CCDC77: variants seen among roughly 807,000 people sequenced by gnomAD.
The protein encoded by CCDC77 is coiled-coil domain-containing protein 77.
CCDC77 carries 56 observed loss-of-function variants against 66.8 expected under a neutral mutation model. The observed-to-expected ratio is 0.84, with a 90% CI of 0.68 to 1.05. CCDC77 has a LOEUF of 1.05. CCDC77 is among the 50% of genes least tolerant of loss of function. CCDC77 has a pLI of 0.00. For missense variants in CCDC77, 570 were observed against 576.8 expected (o/e 0.99, Z 0.12); for synonymous variants, 196 against 195.2 (o/e 1.00, Z -0.03).
intron 1 of CCDC77, among the ~76,000 whole-genome samples, chr12:396,486 C>T (rs924183014): frequency 2.0e-5 from 3 of 152,124 alleles, no homozygotes; most frequent in Non-Finnish European, 4.4e-5. Flanking sequence ...TTGAAGTATA[C>T]GGGAGGGTGT....
At chr12:404,242 G>A (rs1311426737) in intron 1 of CCDC77, among the ~76,000 whole-genome samples, 1 of 152,240 alleles carries the variant, frequency 6.6e-6, no homozygotes, top group Admixed American at 6.5e-5. Flanking sequence ...CTTGAACCCA[G>A]GAGGTGGAGG....
rs544774164 is a variant in CCDC77, at chr12:436,148, C to G, written c.822-2187C>G. Among the ~76,000 whole-genome samples, 973 of 128,676 alleles carry G rather than the reference C, an allele frequency of 7.6e-3. 6 individuals are homozygous for G. The highest frequency in any genetic ancestry group is 0.011 in the Non-Finnish European group (710 of 63,838). The allele number at this position is 128,676 out of a possible 152,430, so 84.4% of individuals were successfully genotyped here. ...TTTTTTTTTTTTTGAGACAGAGTCT[C>G]GCTGTGTCGTCCAGGCTGGAGTGCA... On this transcript the variant is annotated intron_variant, in intron 9 of 12. Transcript: ENST00000239830.
At chr12:411,033 C>A (rs1041305948) in intron 3 of CCDC77, among the ~76,000 whole-genome samples, 1 of 152,048 alleles carries the variant, frequency 6.6e-6, no homozygotes, top group Non-Finnish European at 1.5e-5. Flanking sequence ...CCACCTCAGC[C>A]CCCTGAGTAG....
At position 412,044 on chromosome 12, in the gene CCDC77, A is replaced by C. The variant is rs150765869; in HGVS notation, c.270+66A>C. ...CTTCATAAATTAGAGATGCCCTACA[A>C]GTGCCAGTTTATATCAGAAGCAGAT... On this transcript the variant is annotated intron_variant, in intron 4 of 12. Coordinates refer to ENST00000239830, the MANE Select transcript of CCDC77 (RefSeq NM_032358.4). 85 of 1,172,176 alleles carry C rather than the reference A, an allele frequency of 7.3e-5. No individual in the cohort carries two copies. In the East Asian group the frequency reaches 2.0e-3, roughly 28 times the overall value. The allele number at this position is 1,172,176 out of a possible 1,614,324, so 72.6% of individuals were successfully genotyped here. A position where few individuals can be genotyped will look rare whatever the true frequency, so the allele number is the denominator to read the frequency against.
In CCDC77 at chr12:415,352, CATAATATTATGTTAATATAATCAACATA is replaced by C. The variant is rs1565568000; in HGVS notation, c.271-3138_271-3111del. Among the ~76,000 whole-genome samples, 15 of 123,214 alleles carry C rather than the reference CATAATATTATGTTAATATAATCAACATA, an allele frequency of 1.2e-4. 2 individuals carry two copies. Among genetic ancestry groups the C allele is most frequent in the Admixed American group, 1.2e-3 (14 of 11,974 alleles). The allele number at this position is 123,214 out of a possible 152,430, so 80.8% of individuals were successfully genotyped here. On this transcript the variant is annotated intron_variant, in intron 4 of 12. Transcript: ENST00000239830. Reference sequence around the variant, plus strand: ...CATAATATTATGTTAATATAATCAACATAATATTATGTTAATATAATCAACATAATATTATGTTAATATAATCAACATA... The same window carrying C: ...CATAATATTATGTTAATATAATCAACATATTATGTTAATATAATCAACATA...
In CCDC77 at chr12:438,512, C is replaced by T. The variant is rs193068708; in HGVS notation, c.999C>T (p.Pro333=). The T allele has an allele frequency of 5.6e-6, 9 of 1,613,740 alleles. No homozygotes were observed. The highest frequency in any genetic ancestry group is 1.7e-4 in the Middle Eastern group (1 of 6,038). ...KKEDKIGKVL[P]VMHESHHAQS... ...AAGATAAAATTGGAAAAGTGTTGCC[C>T]GTTATGCATGAGAGTCACCATGCTC... is the stretch of plus-strand genomic sequence containing the variant. Residue 333 remains proline (P), a synonymous_variant, in exon 10 of 13, where the codon CCC becomes CCT. Coordinates refer to ENST00000239830, the MANE Select transcript of CCDC77 (RefSeq NM_032358.4).
chr12:389,699 A>T (rs926979065), intron 1 of CCDC77, among the ~76,000 whole-genome samples: 13 of 151,906 alleles, frequency 8.6e-5, no homozygotes, highest in African/African-American at 2.9e-4. Flanking sequence ...GTATCAGTGC[A>T]CTCGAAAACA....
intron 1 of CCDC77, among the ~76,000 whole-genome samples, chr12:390,627 G>A (rs1944737406): frequency 6.6e-6 from 1 of 152,156 alleles, no homozygotes; most frequent in Admixed American, 6.5e-5. Context: ...GACTTGAACT[G>A]TAGCATCACC....
chr12:416,520 T>C (rs1469409243), intron 4 of CCDC77, among the ~76,000 whole-genome samples: 1 of 147,648 alleles, frequency 6.8e-6, no homozygotes, highest in Non-Finnish European at 1.5e-5. Context: ...GTTTAAGCAA[T>C]TGTCCTGCCT....
At chr12:424,981 A>C (rs1591983094) in intron 5 of CCDC77, among the ~76,000 whole-genome samples, 1 of 148,628 alleles carries the variant, frequency 6.7e-6, no homozygotes, top group Admixed American at 6.7e-5. Context: ...CCCAGGCTGG[A>C]ATGTAGTGGC....
At chr12:413,645 T>G (rs1435820132) in intron 4 of CCDC77, among the ~76,000 whole-genome samples, 4 of 148,548 alleles carry the variant, frequency 2.7e-5, no homozygotes, top group Admixed American at 2.7e-4. Flanking sequence ...TTTTTTTTTT[T>G]GAGACGGAGT....
At chr12:439,406 G>C (rs1418385205) in intron 10 of CCDC77, among the ~76,000 whole-genome samples, 1 of 151,734 alleles carries the variant, frequency 6.6e-6, no homozygotes, top group Admixed American at 6.6e-5. Context: ...TGTAATCCCA[G>C]TTACTCGGGA....
At chr12:401,246 T>C (rs1944889509), upstream of CCDC77, among the ~76,000 whole-genome samples, 1 of 152,172 alleles carries the variant, frequency 6.6e-6, no homozygotes, top group Admixed American at 6.5e-5. Context: ...AAGAAGAAAC[T>C]TTTCTTAGAA....
At chr12:400,963 C>G (rs1411271018), upstream of CCDC77, among the ~76,000 whole-genome samples, 1 of 152,198 alleles carries the variant, frequency 6.6e-6, no homozygotes, top group Non-Finnish European at 1.5e-5. Context: ...CCTTAGGACT[C>G]ACACCAGCGA....
intron 4 of CCDC77, among the ~76,000 whole-genome samples, chr12:416,357 G>GTATATATATATATATATATATATA (rs1309603806): frequency 2.5e-5 from 1 of 39,826 alleles, no homozygotes; most frequent in Non-Finnish European, 4.2e-5. Context: ...GTGTGTGTGT[G>GTATATATATATATATATATATATA]TGTGTGTGTG....
chr12:418,482 GT>G lies in CCDC77; in HGVS notation c.271-5del. On this transcript the variant is annotated splice_polypyrimidine_tract_variant and intron_variant, in intron 4 of 12. Transcript: ENST00000239830. ...AGTGTCTTTCAACTATCTTATTGTG[GT>G]TTTTTTGCAGCATAAACTTGAATGT... 1 of 1,613,678 alleles carries G rather than the reference GT, an allele frequency of 6.2e-7. No individual in the cohort carries two copies. The highest frequency in any genetic ancestry group is 8.5e-7 in the Non-Finnish European group (1 of 1,179,672).
chr12:413,974 T>C (rs1945171385), intron 4 of CCDC77, among the ~76,000 whole-genome samples: 1 of 151,800 alleles, frequency 6.6e-6, no homozygotes, highest in Non-Finnish European at 1.5e-5. Context: ...GCCATGCCAC[T>C]AAAACCGTGC....
chr12:423,310 T>TATATA, intron 5 of CCDC77, among the ~76,000 whole-genome samples: 1 of 78,640 alleles, frequency 1.3e-5, no homozygotes, highest in Admixed American at 1.2e-4. Flanking sequence ...ATATATATAT[T>TATATA]TTTTTTTTTT....
chr12:389,366 A>C, exon 1 of CCDC77: 1 of 603,158 alleles, frequency 1.7e-6, no homozygotes, highest in Non-Finnish European at 3.0e-6. Flanking sequence ...CCGCAGCTGC[A>C]CGACGCCTGT....
Sources: gnomAD v4.1 joint callset for allele counts (sites outside exome capture counted in the v4.1 genomes callset) on GRCh38, gnomAD v4.1.1 for gene constraint, MANE v1.5 for transcripts, NCBI Gene and HGNC (gene_info 2026-07-23, HGNC 2026-07-21) for gene names.